GULP1: variants seen among roughly 807,000 people sequenced by gnomAD.
GULP1 encodes the protein PTB domain-containing engulfment adapter protein 1.
In GULP1, 19 loss-of-function variants were observed where a neutral mutation model predicts 40.9. The ratio of observed to expected loss-of-function variants is 0.46; its 90% CI spans 0.32 to 0.68. GULP1 has a LOEUF of 0.68. GULP1 is among the 30% of genes least tolerant of loss of function. The pLI, the probability that GULP1 is intolerant of heterozygous loss-of-function variation, is 0.03. For synonymous variants in GULP1, 119 were observed against 117.6 expected (o/e 1.01, Z -0.08); for missense variants, 312 against 362.2 (o/e 0.86, Z 1.12).
chr2:188,349,800 A>T (rs1416874127), intron 1 of GULP1, among the ~76,000 whole-genome samples: 3 of 152,118 alleles, frequency 2.0e-5, no homozygotes, highest in Non-Finnish European at 2.9e-5. Context: ...AGATCATGAA[A>T]ATTATGGCTA....
intron 2 of GULP1, among the ~76,000 whole-genome samples, chr2:188,443,078 T>G (rs2058073300): frequency 6.6e-6 from 1 of 152,140 alleles, no homozygotes; most frequent in Non-Finnish European, 1.5e-5. Context: ...ACTATTCATG[T>G]TTGAACCCCT....
Position 188,452,669 on chromosome 2 carries a change from C to T in GULP1, c.-44-24990C>T, listed in dbSNP as rs555855959. On this transcript the variant is annotated intron_variant, in intron 2 of 11. Coordinates refer to ENST00000409830, the MANE Select transcript of GULP1 (RefSeq NM_016315.4). The stretch of plus-strand genomic sequence containing the variant: ...TCAACTGCTGATACTGTGACATGTG[C>T]TCCTACCTACTTGGGAAGCACTAGT... Among the ~76,000 whole-genome samples, 3 of 152,264 alleles carry T rather than the reference C, an allele frequency of 2.0e-5. No individual in the cohort carries two copies. The South Asian group carries it at 6.2e-4, about 32-fold the overall frequency.
At chr2:188,399,508 A>G (rs908057260) in intron 2 of GULP1, among the ~76,000 whole-genome samples, 1 of 151,964 alleles carries the variant, frequency 6.6e-6, no homozygotes, top group African/African-American at 2.4e-5. Context: ...ATATGGGGGC[A>G]AATAAAAACA....
intron 1 of GULP1, among the ~76,000 whole-genome samples, chr2:188,378,996 C>T (rs2048665791): frequency 6.6e-6 from 1 of 151,990 alleles, no homozygotes; most frequent in Non-Finnish European, 1.5e-5. Flanking sequence ...GTGTTTTGTT[C>T]ATACACACAC....
intron 2 of GULP1, among the ~76,000 whole-genome samples, chr2:188,422,808 A>G (rs2055628024): frequency 6.6e-6 from 1 of 152,118 alleles, no homozygotes; most frequent in Admixed American, 6.6e-5. Context: ...GGTTATAGAT[A>G]TAATAAAACT....
intron 4 of GULP1, among the ~76,000 whole-genome samples, chr2:188,512,877 ATAAT>A (rs1258249278): frequency 5.3e-5 from 8 of 152,090 alleles, no homozygotes; most frequent in African/African-American, 1.9e-4. Flanking sequence ...TATTTGAAAA[ATAAT>A]TATAGGAATT....
At chr2:188,391,780 A>G (rs540353768) in intron 2 of GULP1, among the ~76,000 whole-genome samples, 1 of 151,972 alleles carries the variant, frequency 6.6e-6, no homozygotes, top group East Asian at 1.9e-4. Flanking sequence ...TGAGGTATGT[A>G]CCTTCTATGC....
At chr2:188,532,378 A>C (rs1406181107) in intron 6 of GULP1, among the ~76,000 whole-genome samples, 1 of 152,168 alleles carries the variant, frequency 6.6e-6, no homozygotes, top group Non-Finnish European at 1.5e-5. Flanking sequence ...AAATGCATAA[A>C]ATGCTAATTG....
chr2:188,577,993 G>C (rs958642314), intron 9 of GULP1, among the ~76,000 whole-genome samples: 1 of 151,484 alleles, frequency 6.6e-6, no homozygotes, highest in Non-Finnish European at 1.5e-5. Flanking sequence ...AAATGTAAGG[G>C]AATTTATTTC....
intron 1 of GULP1, among the ~76,000 whole-genome samples, chr2:188,341,495 CTG>C (rs889069239): frequency 1.1e-4 from 16 of 152,004 alleles, no homozygotes; most frequent in African/African-American, 3.9e-4. Context: ...TAAAGGATAA[CTG>C]TTTCTTTGTT....
chr2:188,421,147 A>G (rs2055348381), intron 2 of GULP1, among the ~76,000 whole-genome samples: 1 of 152,198 alleles, frequency 6.6e-6, no homozygotes, highest in Admixed American at 6.5e-5. Context: ...TCCTATATGT[A>G]GAAAACTTAA....
At chr2:188,358,827 A>G (rs1354669581) in intron 1 of GULP1, among the ~76,000 whole-genome samples, 3 of 152,122 alleles carry the variant, frequency 2.0e-5, no homozygotes, top group South Asian at 4.1e-4. Flanking sequence ...TGTAATAGTC[A>G]TTAGTTTAAT....
intron 1 of GULP1, among the ~76,000 whole-genome samples, chr2:188,352,553 TTC>T (rs1161237944): frequency 6.6e-6 from 1 of 151,446 alleles, no homozygotes; most frequent in African/African-American, 2.4e-5. Flanking sequence ...CTTAAAATTT[TTC>T]TCTCTCTCTT....
intron 1 of GULP1, among the ~76,000 whole-genome samples, chr2:188,318,541 G>A (rs576215418): frequency 2.4e-4 from 36 of 152,216 alleles, no homozygotes; most frequent in Non-Finnish European, 4.4e-4. Context: ...CTGGAACACC[G>A]GATCAAATTG....
At chr2:188,352,060 C>A (rs890573107) in intron 1 of GULP1, among the ~76,000 whole-genome samples, 1 of 152,132 alleles carries the variant, frequency 6.6e-6, no homozygotes, top group Non-Finnish European at 1.5e-5. Flanking sequence ...TCACTTTTCA[C>A]TTTCAGATGT....
At chr2:188,331,943 G>A (rs1210524326) in intron 1 of GULP1, among the ~76,000 whole-genome samples, 2 of 152,018 alleles carry the variant, frequency 1.3e-5, no homozygotes, top group Non-Finnish European at 2.9e-5. Context: ...AATTTAATGA[G>A]TAATTTATCT....
chr2:188,491,801 A>G (rs898211830), intron 4 of GULP1, among the ~76,000 whole-genome samples: 1 of 152,100 alleles, frequency 6.6e-6, no homozygotes, highest in Non-Finnish European at 1.5e-5. Context: ...ATAAATTCAC[A>G]TATTTTACAT....
chr2:188,471,025 T>TTA (rs1405053145), intron 2 of GULP1, among the ~76,000 whole-genome samples: 1 of 152,152 alleles, frequency 6.6e-6, no homozygotes, highest in Admixed American at 6.5e-5. Context: ...TCTCCAGCTA[T>TTA]TATTGTATTG....
At chr2:188,559,721 C>T (rs1204418963) in intron 7 of GULP1, among the ~76,000 whole-genome samples, 2 of 152,076 alleles carry the variant, frequency 1.3e-5, no homozygotes, top group African/African-American at 4.8e-5. Flanking sequence ...TTTGGAGAGG[C>T]CAGGGGTGGA....
Sources: gnomAD v4.1 joint callset for allele counts (sites outside exome capture counted in the v4.1 genomes callset) on GRCh38, gnomAD v4.1.1 for gene constraint, MANE v1.5 for transcripts, NCBI Gene and HGNC (gene_info 2026-07-23, HGNC 2026-07-21) for gene names.